KCNIP4: variants seen among roughly 807,000 people sequenced by gnomAD.
KCNIP4 encodes potassium voltage-gated channel interacting protein 4, also known as Kv channel-interacting protein 4.
Under a neutral mutation model 34.0 loss-of-function variants are expected in KCNIP4, and 12 were observed. The observed-to-expected ratio is 0.35, with a 90% CI of 0.23 to 0.57. The LOEUF is 0.57. KCNIP4 is among the 20% of genes least tolerant of loss of function. KCNIP4 has a pLI of 0.83. For synonymous variants in KCNIP4, 124 were observed against 102.2 expected, an observed-to-expected ratio of 1.21 and a Z score of -1.29; for missense variants, 238 against 311.7, an observed-to-expected ratio of 0.76 and a Z score of 1.78.
intron 1 of KCNIP4, among the ~76,000 whole-genome samples, chr4:21,540,593 G>A (rs959566178): frequency 1.3e-5 from 2 of 152,092 alleles, no homozygotes; most frequent in African/African-American, 4.8e-5. Flanking sequence ...ATGATTCACT[G>A]TACTTTATCT....
intron 1 of KCNIP4, among the ~76,000 whole-genome samples, chr4:21,502,095 T>G (rs1733412651): frequency 6.6e-6 from 1 of 151,818 alleles, no homozygotes; most frequent in African/African-American, 2.4e-5. Context: ...CAATTCCCCC[T>G]GGAGTCCCCA....
At chr4:21,603,189 C>T (rs1743343829) in intron 1 of KCNIP4, among the ~76,000 whole-genome samples, 1 of 152,088 alleles carries the variant, frequency 6.6e-6, no homozygotes, top group African/African-American at 2.4e-5. Flanking sequence ...TATTTACTAA[C>T]TTTGCAGTTG....
chr4:21,915,248 C>A (rs1276264526), intron 1 of KCNIP4, among the ~76,000 whole-genome samples: 1 of 152,022 alleles, frequency 6.6e-6, no homozygotes, highest in Admixed American at 6.6e-5. Context: ...CTGAAATTGG[C>A]CAGAGAGGGA....
intron 3 of KCNIP4, among the ~76,000 whole-genome samples, chr4:20,826,946 A>C (rs1233228861): frequency 6.6e-6 from 1 of 152,222 alleles, no homozygotes; most frequent in Non-Finnish European, 1.5e-5. Context: ...TGATCTTCAA[A>C]GAGGACCACC....
chr4:21,636,212 C>T (rs550776284), intron 1 of KCNIP4, among the ~76,000 whole-genome samples: 31 of 150,128 alleles, frequency 2.1e-4, no homozygotes, highest in East Asian at 6.0e-4. Context: ...GTGGGTGCAG[C>T]GCACCAGCAT....
intron 1 of KCNIP4, among the ~76,000 whole-genome samples, chr4:21,101,829 C>T (rs2109070718): frequency 6.6e-6 from 1 of 152,256 alleles, no homozygotes; most frequent in African/African-American, 2.4e-5. Flanking sequence ...ACACATGACT[C>T]AGATTACAGA....
At chr4:21,219,862 G>C (rs1757861154) in intron 1 of KCNIP4, among the ~76,000 whole-genome samples, 1 of 152,092 alleles carries the variant, frequency 6.6e-6, no homozygotes, top group Non-Finnish European at 1.5e-5. Flanking sequence ...CAGTGGAGTG[G>C]AAATTTTCAG....
Position 21,797,682 on chromosome 4 carries a change from C to T in KCNIP4, c.61+150889G>A, listed in dbSNP as rs550190003. On this transcript the variant is annotated intron_variant, in intron 1 of 8. Transcript: ENST00000382152. ...CTTTTTTACTGGGTTATCTTCTTAT[C>T]ACTGTGATTATTTATCTCAGGCACA... Among the ~76,000 whole-genome samples the T allele has an allele frequency of 8.5e-5, 13 of 152,216 alleles. 1 individual carries two copies. The East Asian group carries it at 2.5e-3, about 29-fold the overall frequency.
intron 3 of KCNIP4, among the ~76,000 whole-genome samples, chr4:20,798,964 C>T (rs2149414244): frequency 6.6e-6 from 1 of 152,322 alleles, no homozygotes; most frequent in South Asian, 2.1e-4. Flanking sequence ...GCCTGTACTG[C>T]TACTGCACTA....
chr4:20,765,449 T>G (rs569298010), intron 3 of KCNIP4, among the ~76,000 whole-genome samples: 2 of 152,248 alleles, frequency 1.3e-5, no homozygotes, highest in Admixed American at 6.5e-5. Flanking sequence ...CGATTAAAAT[T>G]TATTGTGCAT....
At chr4:21,758,754 T>G (rs1240618117) in intron 1 of KCNIP4, among the ~76,000 whole-genome samples, 1 of 152,144 alleles carries the variant, frequency 6.6e-6, no homozygotes, top group Non-Finnish European at 1.5e-5. Context: ...TATGGGCTGC[T>G]TCTGCCAGAG....
chr4:21,458,361 T>C (rs1729147189), intron 1 of KCNIP4, among the ~76,000 whole-genome samples: 1 of 151,864 alleles, frequency 6.6e-6, no homozygotes, highest in Non-Finnish European at 1.5e-5. Flanking sequence ...CCATGGTGTA[T>C]ATGTGCCACA....
intron 1 of KCNIP4, among the ~76,000 whole-genome samples, chr4:21,257,502 C>T (rs1317410154): frequency 6.6e-6 from 1 of 152,014 alleles, no homozygotes; most frequent in Non-Finnish European, 1.5e-5. Context: ...AATCCCGGCA[C>T]TTTGGGAGGC....
intron 1 of KCNIP4, among the ~76,000 whole-genome samples, chr4:20,946,000 A>C (rs1445212436): frequency 6.6e-6 from 1 of 152,178 alleles, no homozygotes; most frequent in Non-Finnish European, 1.5e-5. Context: ...AAACGTAAGG[A>C]GAAGGCTGCT....
chr4:21,446,887 A>G (rs949958915), intron 1 of KCNIP4, among the ~76,000 whole-genome samples: 2 of 152,080 alleles, frequency 1.3e-5, no homozygotes, highest in East Asian at 1.9e-4. Flanking sequence ...CAAGTAATAC[A>G]TTCTATTGTA....
intron 1 of KCNIP4, among the ~76,000 whole-genome samples, chr4:21,799,444 G>A (rs555924541): frequency 3.0e-4 from 45 of 152,168 alleles, no homozygotes; most frequent in African/African-American, 9.4e-4. Flanking sequence ...ATTAGCTTTC[G>A]TAATCTTTGA....
chr4:21,297,214 T>G (rs1334696110), intron 1 of KCNIP4, among the ~76,000 whole-genome samples: 1 of 152,048 alleles, frequency 6.6e-6, no homozygotes, highest in East Asian at 1.9e-4. Flanking sequence ...CAGTGACATA[T>G]ATATTTGTTA....
intron 1 of KCNIP4, among the ~76,000 whole-genome samples, chr4:21,640,588 G>A (rs915990787): frequency 8.6e-5 from 13 of 151,960 alleles, no homozygotes; most frequent in African/African-American, 3.1e-4. Context: ...CCATGTTCCA[G>A]CCAACCAACC....
At chr4:21,070,576 C>T (rs950153362) in intron 1 of KCNIP4, among the ~76,000 whole-genome samples, 4 of 151,328 alleles carry the variant, frequency 2.6e-5, no homozygotes, top group Admixed American at 1.3e-4. Context: ...TCACTGGACA[C>T]CCATATTTTC....
Sources: gnomAD v4.1 joint callset for allele counts (sites outside exome capture counted in the v4.1 genomes callset) on GRCh38, gnomAD v4.1.1 for gene constraint, MANE v1.5 for transcripts, NCBI Gene and HGNC (gene_info 2026-07-23, HGNC 2026-07-21) for gene names.